RABGAP1: variants seen among roughly 807,000 people sequenced by gnomAD.
RABGAP1 encodes rab GTPase-activating protein 1.
Under a neutral mutation model 137.6 loss-of-function variants are expected in RABGAP1, and 23 were observed. The observed-to-expected ratio is 0.17, with a 90% CI of 0.12 to 0.24. The LOEUF (loss-of-function observed/expected upper bound fraction) is 0.24, where lower values mean the gene tolerates loss of function less well. Ranked by LOEUF, RABGAP1 falls within the 10% of genes least tolerant of loss-of-function variation. The probability of loss-of-function intolerance (pLI) is 1.00; values close to 1 mark genes in which losing one functional copy is unlikely to be tolerated. For synonymous variants in RABGAP1, 451 were observed against 450.7 expected, an observed-to-expected ratio of 1.00 and a Z score of -0.01; for missense variants, 906 against 1,275.8, an observed-to-expected ratio of 0.71 and a Z score of 4.42.
chr9:123,033,864 G>A (rs1344648363), intron 13 of RABGAP1: 1 of 152,230 alleles, frequency 6.6e-6, no homozygotes, highest in Non-Finnish European at 1.5e-5. Flanking sequence ...AGTGGTAATT[G>A]TAGTGAAAGG....
At chr9:123,034,612 C>T in intron 13 of RABGAP1, 1 of 1,610,854 alleles carries the variant, frequency 6.2e-7, no homozygotes. Context: ...CCCTTTTTGC[C>T]TCTTGGCATT....
chr9:122,943,122 T>C (rs1040426718), intron 1 of RABGAP1, among the ~76,000 whole-genome samples: 4 of 136,156 alleles, frequency 2.9e-5, no homozygotes, highest in African/African-American at 1.2e-4. Context: ...TGTGCTCTTG[T>C]TGCCCAGGCT....
intron 17 of RABGAP1, 60 bp from the exon 18 acceptor site, chr9:123,076,181 GACAA>G: frequency 6.6e-7 from 1 of 1,521,198 alleles, no homozygotes; most frequent in South Asian, 1.2e-5. Flanking sequence ...GGGGTATAAG[GACAA>G]ATAGCATAAT....
At chr9:123,039,058 A>G (rs1165232554) in intron 13 of RABGAP1, among the ~76,000 whole-genome samples, 1 of 152,146 alleles carries the variant, frequency 6.6e-6, no homozygotes, top group Admixed American at 6.5e-5. Context: ...TACTTTGTAA[A>G]TTGTAAAGTG....
intron 13 of RABGAP1, among the ~76,000 whole-genome samples, chr9:123,060,570 G>A (rs752595152): frequency 1.3e-5 from 2 of 152,202 alleles, no homozygotes; most frequent in African/African-American, 2.4e-5. Context: ...AAACTGCCAT[G>A]TTCTTTACCA....
intron 10 of RABGAP1, among the ~76,000 whole-genome samples, chr9:123,001,987 T>A (rs1490841201): frequency 1.3e-5 from 2 of 152,162 alleles, no homozygotes; most frequent in Admixed American, 1.3e-4. Flanking sequence ...TTTACAAACA[T>A]CACTTTGAAA....
At chr9:122,957,996 A>G (rs1365439666) in intron 2 of RABGAP1, among the ~76,000 whole-genome samples, 1 of 152,138 alleles carries the variant, frequency 6.6e-6, no homozygotes, top group Non-Finnish European at 1.5e-5. Flanking sequence ...ATAAATTAAA[A>G]ATAAAATCTA....
At chr9:123,029,316 CA>C in intron 13 of RABGAP1, 3 of 647,054 alleles carry the variant, frequency 4.6e-6, no homozygotes, top group East Asian at 2.7e-5. Context: ...GTTTAAAGCT[CA>C]TTTTTTTTTT....
At chr9:122,943,745 A>T (rs1482442308) in intron 1 of RABGAP1, among the ~76,000 whole-genome samples, 2 of 152,158 alleles carry the variant, frequency 1.3e-5, no homozygotes, top group Non-Finnish European at 2.9e-5. Context: ...CAAGGTCAGG[A>T]GATCGAGACC....
chr9:122,945,777 G>A (rs117381125), intron 1 of RABGAP1, among the ~76,000 whole-genome samples: 1,556 of 152,282 alleles, frequency 0.01, 5 homozygotes, highest in Non-Finnish European at 0.015. Context: ...TAGCAAGTGA[G>A]TTTCTGTGGT....
At chr9:123,034,268 T>C in intron 13 of RABGAP1, 1 of 420,224 alleles carries the variant, frequency 2.4e-6, no homozygotes, top group Non-Finnish European at 4.2e-6. Context: ...CCTGAAGACG[T>C]TCTCCCCAGA....
chr9:123,025,001 A>C (rs1400030047), intron 13 of RABGAP1, among the ~76,000 whole-genome samples: 1 of 152,098 alleles, frequency 6.6e-6, no homozygotes, highest in Non-Finnish European at 1.5e-5. Flanking sequence ...TTCTGTCTCT[A>C]TATTTTGTAA....
intron 12 of RABGAP1, among the ~76,000 whole-genome samples, chr9:123,016,690 C>G (rs2031254766): frequency 6.6e-6 from 1 of 152,158 alleles, no homozygotes; most frequent in South Asian, 2.1e-4. Context: ...GAACACTTCT[C>G]TATTTCTGAC....
At chr9:122,978,516 T>C (rs1035904115) in intron 2 of RABGAP1, among the ~76,000 whole-genome samples, 5 of 152,202 alleles carry the variant, frequency 3.3e-5, no homozygotes, top group Admixed American at 3.3e-4. Flanking sequence ...ATTCCTGTAA[T>C]CTCAGCAACT....
At chr9:122,951,724 C>T (rs1269568123) in intron 1 of RABGAP1, among the ~76,000 whole-genome samples, 1 of 152,098 alleles carries the variant, frequency 6.6e-6, no homozygotes, top group Admixed American at 6.6e-5. Flanking sequence ...CACACACCAC[C>T]ACACTTGACT....
At chr9:122,945,641 T>C (rs965902992) in intron 1 of RABGAP1, among the ~76,000 whole-genome samples, 1 of 152,320 alleles carries the variant, frequency 6.6e-6, no homozygotes, top group Admixed American at 6.5e-5. Context: ...AATGCATAGT[T>C]GTTATGTATT....
chr9:122,984,599 G>A lies in RABGAP1; in HGVS notation c.265G>A (p.Asp89Asn). The change falls in exon 3 of 26, where the codon GAT (aspartate) becomes AAT (asparagine). Residue 89 changes from aspartate to asparagine, a missense_variant. Physicochemically the swap from Asp to Asn is conservative, Grantham distance 23. This residue lies in a region of RABGAP1 where 331 missense variants were observed against 358.3 expected (regional missense o/e 0.92). Coordinates refer to ENST00000373647, the MANE Select transcript of RABGAP1 (RefSeq NM_012197.4). ...EKELVKRSQL[D>N]GEGDGPLSNQ... ...GGAGCTTGTGAAAAGGTCACAACTG[G>A]ATGGTGAAGGAGATGGGCCTCTTTC... is the stretch of plus-strand genomic sequence containing the variant. 1.2e-6 allele frequency: 2 copies of A among 1,614,186 alleles called. No individual in the cohort carries two copies. The highest frequency in any genetic ancestry group is 1.7e-6 in the Non-Finnish European group (2 of 1,180,032).
intron 2 of RABGAP1, among the ~76,000 whole-genome samples, chr9:122,966,486 GC>G (rs1835150278): frequency 1.3e-5 from 2 of 152,114 alleles, no homozygotes; most frequent in South Asian, 4.2e-4. Context: ...TTGTGCCATT[GC>G]CCCCCAGCCT....
chr9:123,100,755 A>T (rs939032906), intron 24 of RABGAP1, among the ~76,000 whole-genome samples: 2 of 152,284 alleles, frequency 1.3e-5, no homozygotes, highest in Admixed American at 1.3e-4. Context: ...TTATTTTCTG[A>T]TTCTAAAACT....
Sources: allele counts gnomAD v4.1 joint callset (sites outside exome capture counted in the v4.1 genomes callset), GRCh38; gene constraint gnomAD v4.1.1; regional missense constraint gnomAD v4.1.1; transcripts MANE v1.5; gene names NCBI Gene and HGNC (gene_info 2026-07-23, HGNC 2026-07-21).